Variants in EFHD2 observed in about 807,000 individuals in gnomAD.
The protein encoded by EFHD2 is EF-hand domain-containing protein D2.
In EFHD2, 12 loss-of-function variants were observed where a neutral mutation model predicts 20.3. The ratio of observed to expected loss-of-function variants is 0.59; its 90% confidence interval spans 0.38 to 0.96. EFHD2 has a LOEUF of 0.96. Among genes scored for constraint, EFHD2 ranks in the 40% least tolerant of loss-of-function variants. The pLI is 0.00. For missense variants in EFHD2, 250 were observed against 334.3 expected (o/e 0.75, Z 1.97); for synonymous variants, 131 against 143.9 (o/e 0.91, Z 0.64).
rs1447831245 is a variant in EFHD2, at chr1:15,426,230, G to A, written c.456+212G>A. On this transcript the variant is annotated intron_variant, in intron 2 of 3. Coordinates refer to ENST00000375980, the MANE Select transcript of EFHD2 (RefSeq NM_024329.6). The surrounding 1 kb of genome is among the most constrained non-coding windows in gnomAD (Gnocchi z 4.6). The stretch of plus-strand genomic sequence containing the variant: ...GTTCTGAGATCCTCTCGGGGAGGAA[G>A]AGGAGGGAGGGACAGCCCTTCCTTC... Among the ~76,000 whole-genome samples, 2 of 152,228 alleles carry A rather than the reference G, an allele frequency of 1.3e-5. No individual in the cohort carries two copies. The highest frequency in any genetic ancestry group is 2.4e-5 in the African/African-American group (1 of 41,470).
intron 1 of EFHD2, among the ~76,000 whole-genome samples, chr1:15,418,511 T>C (rs183760399): frequency 0.018 from 2,677 of 150,702 alleles, 74 homozygotes; most frequent in African/African-American, 0.057. Context: ...TTCACCGTGT[T>C]AGCCAGGATG....
At chr1:15,415,490 CTTT>C (rs775986699) in intron 1 of EFHD2, among the ~76,000 whole-genome samples, 5 of 138,274 alleles carry the variant, frequency 3.6e-5, no homozygotes, top group Non-Finnish European at 6.3e-5. Context: ...CTTTGTTTTC[CTTT>C]TTTTTTTTTT....
At chr1:15,410,397 G>T (rs1707459497) in intron 1 of EFHD2, 118 bp downstream of exon 1, 1 of 1,254,856 alleles carries the variant, frequency 8.0e-7, no homozygotes, top group Non-Finnish European at 1.1e-6. Context: ...AAGCTTCCCC[G>T]AACCCAGACG....
chr1:15,417,389 A>C (rs1227116035), intron 1 of EFHD2, among the ~76,000 whole-genome samples: 1 of 152,238 alleles, frequency 6.6e-6, no homozygotes, highest in Non-Finnish European at 1.5e-5. Flanking sequence ...AAGAGCAAGA[A>C]GCGAAAGGGG....
chr1:15,410,078 CGGCGGCGGG>C lies in EFHD2; in HGVS notation c.111_119del (p.Ala38_Ala40del). The C allele has an allele frequency of 7.2e-7, 1 of 1,397,114 alleles. No homozygotes were observed. The allele number at this position is 1,397,114 out of a possible 1,614,324, so 86.5% of individuals were successfully genotyped here. ...CCCGGGCTGAACGGGGCAGCGGCGGCGGCGGCGGGGGCACCCGACGAGGCGGCCGAGGCG... is the reference window on the plus strand; with the variant it reads ...CCCGGGCTGAACGGGGCAGCGGCGGCGGCACCCGACGAGGCGGCCGAGGCG... On this transcript the variant is annotated inframe_deletion, in exon 1 of 4. Transcript: ENST00000375980.
intron 1 of EFHD2, among the ~76,000 whole-genome samples, chr1:15,416,153 T>G (rs550396054): frequency 6.6e-6 from 1 of 152,228 alleles, no homozygotes; most frequent in Admixed American, 6.5e-5. Flanking sequence ...GCCCAGGACT[T>G]TTGGTTCCTC....
rs919202967 is a variant in EFHD2, at chr1:15,426,949, G to A, written c.457-201G>A. On this transcript the variant is annotated intron_variant, in intron 2 of 3. Transcript: ENST00000375980. This position sits in a 1 kb window ranked among gnomAD's most constrained non-coding sequence, Gnocchi z 4.6. ...GGCCAGCATCCTGGGTGGCAGATGA[G>A]TCATATCTCCTCCCATTGTACAGTT... 2.6e-5 allele frequency among the ~76,000 whole-genome samples: 4 copies of A among 152,184 alleles called. No homozygotes were observed. The highest frequency in any genetic ancestry group is 9.6e-5 in the African/African-American group (4 of 41,456).
At chr1:15,418,136 T>C (rs539800013) in intron 1 of EFHD2, among the ~76,000 whole-genome samples, 22 of 145,184 alleles carry the variant, frequency 1.5e-4, no homozygotes, top group Non-Finnish European at 2.7e-4. Flanking sequence ...ATTACAGGCA[T>C]GCACCACCAC....
rs539471875 is a variant in EFHD2, at chr1:15,410,674, C to T, written c.308+395C>T. ...AGTGGGGCTTCTCCACCACCCCACA[C>T]CGCACACACCGAGGCTGAGGACCCA... On this transcript the variant is annotated intron_variant, in intron 1 of 3. Transcript: ENST00000375980. Among the ~76,000 whole-genome samples the T allele has an allele frequency of 7.9e-5, 12 of 151,976 alleles. No homozygotes were observed. In the East Asian group the frequency reaches 2.3e-3, roughly 30 times the overall value.
chr1:15,427,125 CCGCG>C, intron 2 of EFHD2, 21 bp from the exon 3 acceptor site: 1 of 1,608,076 alleles, frequency 6.2e-7, no homozygotes, highest in Non-Finnish European at 8.5e-7. Flanking sequence ...CTTCCTGACA[CCGCG>C]CGCCTCCCTC....
In EFHD2 at chr1:15,426,148, G is replaced by T; in HGVS notation, c.456+130G>T. 3 of 1,033,072 alleles carry T rather than the reference G, an allele frequency of 2.9e-6. No homozygotes were observed. Among genetic ancestry groups the T allele is most frequent in the Non-Finnish European group, 4.0e-6 (3 of 754,854 alleles). 64.0% of individuals were successfully genotyped at this position (1,033,072 alleles called of 1,614,324 possible). A position where few individuals can be genotyped will look rare whatever the true frequency, so the allele number is the denominator to read the frequency against. On this transcript the variant is annotated intron_variant, in intron 2 of 3. Coordinates refer to ENST00000375980, the MANE Select transcript of EFHD2 (RefSeq NM_024329.6). This position sits in a 1 kb window ranked among gnomAD's most constrained non-coding sequence, Gnocchi z 4.6. The stretch of plus-strand genomic sequence containing the variant: ...TGCCATTGAACAGCAGCTGTGAGCA[G>T]CTGCTGCTTGGCTGAGTGAGGCTTC...
At position 15,413,203 on chromosome 1, in the gene EFHD2, A is replaced by AG. The variant is rs1388982000; in HGVS notation, c.308+2927dup. On this transcript the variant is annotated intron_variant, in intron 1 of 3. Coordinates refer to ENST00000375980, the MANE Select transcript of EFHD2 (RefSeq NM_024329.6). The surrounding 1 kb of genome is among the most constrained non-coding windows in gnomAD (Gnocchi z 4.4). Reference sequence around the variant, plus strand: ...AGAGCCAGGGCTCTGGGGAGAGCAGAGGGCAGAGAGGAGGGGAGCCTGCCC... The same window carrying AG: ...AGAGCCAGGGCTCTGGGGAGAGCAGAGGGGCAGAGAGGAGGGGAGCCTGCCC... 6.6e-6 allele frequency among the ~76,000 whole-genome samples: 1 copy of AG among 152,092 alleles called. No homozygotes were observed. The highest frequency in any genetic ancestry group is 1.5e-5 in the Non-Finnish European group (1 of 68,012).
At chr1:15,417,381 G>A (rs941335504) in intron 1 of EFHD2, among the ~76,000 whole-genome samples, 2 of 152,204 alleles carry the variant, frequency 1.3e-5, no homozygotes, top group Non-Finnish European at 2.9e-5. Flanking sequence ...TGACTATGAA[G>A]AGCAAGAAGC....
At chr1:15,417,495 G>T (rs1356983913) in intron 1 of EFHD2, among the ~76,000 whole-genome samples, 1 of 152,234 alleles carries the variant, frequency 6.6e-6, no homozygotes, top group East Asian at 1.9e-4. Context: ...AAATTGCTTG[G>T]GGTCTCCCTC....
intron 1 of EFHD2, among the ~76,000 whole-genome samples, chr1:15,411,574 C>T (rs1570758874): frequency 6.6e-6 from 1 of 152,132 alleles, no homozygotes; most frequent in East Asian, 1.9e-4. Flanking sequence ...CCTCCTGTTC[C>T]CTGTCCCCCT....
intron 1 of EFHD2, among the ~76,000 whole-genome samples, chr1:15,417,981 C>G (rs1283930684): frequency 2.1e-5 from 2 of 97,090 alleles, no homozygotes; most frequent in African/African-American, 4.2e-5. Flanking sequence ...CTTTCTTTTT[C>G]TTTTTTTTTT....
Position 15,413,615 on chromosome 1 carries a change from A to C in EFHD2, c.308+3336A>C, listed in dbSNP as rs1427723719. 3.9e-5 allele frequency among the ~76,000 whole-genome samples: 6 copies of C among 152,184 alleles called. No individual in the cohort carries two copies. The highest frequency in any genetic ancestry group is 8.8e-5 in the Non-Finnish European group (6 of 68,026). ...ACTGGTCTCACACCTAGAGTCATTC[A>C]GGTTCCTCCTGAGAGAGACCTGAAG... On this transcript the variant is annotated intron_variant, in intron 1 of 3. Transcript: ENST00000375980. This position sits in a 1 kb window ranked among gnomAD's most constrained non-coding sequence, Gnocchi z 4.4.
chr1:15,426,055 G>A lies in EFHD2; in HGVS notation c.456+37G>A, dbSNP rs770880588. Reference sequence around the variant, plus strand: ...CCCCAGCCCCACTCCCCTACCAGGGGCTTCACCTGAGGACCTGGTGGCCCG... The same window carrying A: ...CCCCAGCCCCACTCCCCTACCAGGGACTTCACCTGAGGACCTGGTGGCCCG... On this transcript the variant is annotated intron_variant, in intron 2 of 3. Coordinates refer to ENST00000375980, the MANE Select transcript of EFHD2 (RefSeq NM_024329.6). This position sits in a 1 kb window ranked among gnomAD's most constrained non-coding sequence, Gnocchi z 4.6. The A allele has an allele frequency of 7.2e-6, 11 of 1,531,286 alleles. No homozygotes were observed. In the South Asian group the frequency reaches 1.0e-4, roughly 14 times the overall value. The allele number at this position is 1,531,286 out of a possible 1,614,324, so 94.9% of individuals were successfully genotyped here.
rs1707873024 is a variant in EFHD2, at chr1:15,426,426, C to T, written c.456+408C>T. ...AGGGCCACGGCACTGGGTGACTTCA[C>T]GCCCAGGATCTCACTCCGAGACAGG... is the stretch of plus-strand genomic sequence containing the variant. On this transcript the variant is annotated intron_variant, in intron 2 of 3. Transcript: ENST00000375980. This position sits in a 1 kb window ranked among gnomAD's most constrained non-coding sequence, Gnocchi z 4.6. Among the ~76,000 whole-genome samples the T allele has an allele frequency of 6.6e-6, 1 of 152,120 alleles. No individual in the cohort carries two copies. The highest frequency in any genetic ancestry group is 2.1e-4 in the South Asian group (1 of 4,816).
Sources: gnomAD v4.1 joint callset for allele counts (sites outside exome capture counted in the v4.1 genomes callset) on GRCh38, gnomAD v4.1.1 for gene constraint, Gnocchi (gnomAD v3.1) non-coding constraint, MANE v1.5 for transcripts, NCBI Gene and HGNC (gene_info 2026-07-23, HGNC 2026-07-21) for gene names.